CACNA1G: variants seen among roughly 807,000 people sequenced by gnomAD.
CACNA1G encodes calcium voltage-gated channel subunit alpha1 G, also known as voltage-dependent T-type calcium channel subunit alpha-1G.
In CACNA1G, 67 loss-of-function variants were observed where a neutral mutation model predicts 219.4. The ratio of observed to expected loss-of-function variants is 0.31; its 90% CI spans 0.25 to 0.37. The LOEUF (loss-of-function observed/expected upper bound fraction) is 0.37, where lower values mean the gene tolerates loss of function less well. Ranked by LOEUF, CACNA1G falls within the 10% of genes least tolerant of loss-of-function variation. The pLI is 1.00. For synonymous variants in CACNA1G, 1,296 were observed against 1,345.3 expected (o/e 0.96, Z 0.80); for missense variants, 2,380 against 3,231.4 (o/e 0.74, Z 6.39).
At chr17:50,608,062 C>A in intron 25 of CACNA1G, 43 bp downstream of exon 25, 1 of 1,548,702 alleles carries the variant, frequency 6.5e-7, no homozygotes, top group Non-Finnish European at 8.8e-7. Flanking sequence ...TTCCACCTCT[C>A]TCTGGGTCGT....
Position 50,626,789 on chromosome 17 carries a change from G to T in CACNA1G, c.*38G>T, listed in dbSNP as rs768219541. 2 of 1,612,556 alleles carry T rather than the reference G, an allele frequency of 1.2e-6. No individual in the cohort carries two copies. Among genetic ancestry groups the T allele is most frequent in the East Asian group, 4.5e-5 (2 of 44,884 alleles). ...TTTCCCACTCACCTTTCTCCACTGG[G>T]TGCCAAGTCCTAGCTCCTCCTCCTG... On this transcript the variant is annotated 3_prime_UTR_variant, in exon 38 of 38. Coordinates refer to ENST00000359106, the MANE Select transcript of CACNA1G (RefSeq NM_018896.5). This position sits in a 1 kb window ranked among gnomAD's most constrained non-coding sequence, Gnocchi z 4.3.
At chr17:50,589,251 G>A (rs1249253958) in intron 9 of CACNA1G, among the ~76,000 whole-genome samples, 4 of 151,834 alleles carry the variant, frequency 2.6e-5, no homozygotes, top group East Asian at 1.9e-4. Context: ...CCCCCACCCC[G>A]TGCCACACCA....
chr17:50,598,341 A>G (rs1004240575), intron 16 of CACNA1G, among the ~76,000 whole-genome samples: 2 of 152,158 alleles, frequency 1.3e-5, no homozygotes, highest in Non-Finnish European at 2.9e-5. Context: ...TATTTTCTTT[A>G]TCCAGTCATC....
At chr17:50,577,841 T>C (rs2041061317) in intron 8 of CACNA1G, among the ~76,000 whole-genome samples, 1 of 152,032 alleles carries the variant, frequency 6.6e-6, no homozygotes, top group African/African-American at 2.4e-5. Context: ...CTCAGAACAG[T>C]GTTGATGTAG....
At chr17:50,602,790 C>A in intron 19 of CACNA1G, 30 bp from the exon 20 acceptor site, 1 of 1,607,728 alleles carries the variant, frequency 6.2e-7, no homozygotes, top group South Asian at 1.1e-5. Flanking sequence ...GGCTTCCTGG[C>A]GGGCAACCCC....
intron 19 of CACNA1G, among the ~76,000 whole-genome samples, chr17:50,601,613 G>T (rs2046647239): frequency 2.0e-5 from 3 of 152,150 alleles, no homozygotes; most frequent in Admixed American, 2.0e-4. Context: ...ATTTTCAGGG[G>T]CCATAGTGGG....
intron 4 of CACNA1G, among the ~76,000 whole-genome samples, chr17:50,570,702 G>T: frequency 6.6e-6 from 1 of 152,184 alleles, no homozygotes; most frequent in South Asian, 2.1e-4. Context: ...CTCCTCTCCC[G>T]CCCCAGGTGA....
chr17:50,604,579 G>T (rs971645817), intron 22 of CACNA1G, among the ~76,000 whole-genome samples: 2 of 152,212 alleles, frequency 1.3e-5, no homozygotes, highest in Non-Finnish European at 2.9e-5. Flanking sequence ...GCTGGCCCGC[G>T]GTCTACTCCG....
At chr17:50,587,513 C>T (rs2043227845) in intron 9 of CACNA1G, among the ~76,000 whole-genome samples, 1 of 152,214 alleles carries the variant, frequency 6.6e-6, no homozygotes, top group African/African-American at 2.4e-5. Flanking sequence ...CAGATCGTTC[C>T]CAGCCTCCAA....
intron 4 of CACNA1G, among the ~76,000 whole-genome samples, chr17:50,570,080 TC>T (rs35320164): frequency 3.9e-4 from 59 of 151,748 alleles, no homozygotes; most frequent in African/African-American, 1.4e-3. Context: ...AGATGACCAC[TC>T]CCCCCAGGAG....
At chr17:50,566,310 C>A (rs917538601) in intron 1 of CACNA1G, among the ~76,000 whole-genome samples, 2 of 151,272 alleles carry the variant, frequency 1.3e-5, no homozygotes, top group Non-Finnish European at 2.9e-5. Context: ...TGAAAGACCC[C>A]CCCCCCATCA....
At position 50,626,183 on chromosome 17, in the gene CACNA1G, A is replaced by G; in HGVS notation, c.6566A>G (p.Lys2189Arg). ...QHSRSHSKIS[K>R]HMTPPAPCPG... is the part of the protein sequence containing the mutation. ...TCCCGCAGCCACAGCAAGATCTCCA[A>G]GCACATGACCCCGCCAGCCCCTTGC... The change falls in exon 38 of 38, where the codon AAG becomes AGG. Residue 2189 changes from lysine to arginine, a missense_variant. Lys to Arg is a conservative substitution (Grantham distance 26, BLOSUM62 2). Around this residue, in one of 17 missense-constraint regions of CACNA1G, gnomAD observed 672 missense variants for 670.5 expected, o/e 1.00. Coordinates refer to ENST00000359106, the MANE Select transcript of CACNA1G (RefSeq NM_018896.5). The surrounding 1 kb of genome is among the most constrained non-coding windows in gnomAD (Gnocchi z 4.3). 1 of 1,613,918 alleles carries G rather than the reference A, an allele frequency of 6.2e-7. No homozygotes were observed. Among genetic ancestry groups the G allele is most frequent in the Non-Finnish European group, 8.5e-7 (1 of 1,179,866 alleles).
intron 1 of CACNA1G, among the ~76,000 whole-genome samples, chr17:50,562,264 T>C (rs1164960894): frequency 6.6e-6 from 1 of 152,042 alleles, no homozygotes; most frequent in Non-Finnish European, 1.5e-5. Flanking sequence ...TCCTTGAGGC[T>C]GAGGTTTTTA....
chr17:50,623,927 G>C lies in CACNA1G; in HGVS notation c.6081G>C (p.Glu2027Asp), dbSNP rs778764267. The C allele has an allele frequency of 6.2e-6, 10 of 1,611,122 alleles. No homozygotes were observed. In the African/African-American group the frequency reaches 1.3e-4, roughly 22 times the overall value. The change falls in exon 36 of 38, where the codon GAG becomes GAC. Residue 2027 changes from glutamate to aspartate, a missense_variant. Physicochemically the swap from Glu to Asp is conservative, Grantham distance 45. Coordinates refer to ENST00000359106, the MANE Select transcript of CACNA1G (RefSeq NM_018896.5). ...LESNMQPHPT[E>D]LPGPDLLTVR... ...TGCAGATGCAGCCCCACCCCACGGA[G>C]CTGCCAGGACCAGACTTACTGACTG... is the stretch of plus-strand genomic sequence containing the variant.
intron 22 of CACNA1G, among the ~76,000 whole-genome samples, chr17:50,604,714 C>G (rs894193064): frequency 1.3e-5 from 2 of 152,216 alleles, no homozygotes; most frequent in African/African-American, 2.4e-5. Context: ...AGACCCCAGA[C>G]GAGGCAGGAA....
chr17:50,584,393 G>C (rs960244898), intron 9 of CACNA1G, among the ~76,000 whole-genome samples: 1 of 152,016 alleles, frequency 6.6e-6, no homozygotes, highest in African/African-American at 2.4e-5. Context: ...GGAAGCCAAG[G>C]GAGGCTCAGC....
chr17:50,561,789 C>A, intron 1 of CACNA1G, 88 bp downstream of exon 1: 1 of 1,263,684 alleles, frequency 7.9e-7, no homozygotes, highest in Non-Finnish European at 1.0e-6. Flanking sequence ...AGACCCACCG[C>A]CAGGTGAGTC....
chr17:50,624,339 C>G, intron 36 of CACNA1G, 21 bp from the exon 37 acceptor site: 2 of 1,490,014 alleles, frequency 1.3e-6, no homozygotes, highest in South Asian at 2.4e-5. Flanking sequence ...CCACCCCTCC[C>G]CCGCTTCCCT....
intron 4 of CACNA1G, among the ~76,000 whole-genome samples, 174 bp downstream of exon 4, chr17:50,569,977 C>T (rs563354864): frequency 1.3e-5 from 2 of 152,282 alleles, no homozygotes; most frequent in Non-Finnish European, 2.9e-5. Context: ...GAATGTGGCA[C>T]TATGGGAGTT....
Sources: gnomAD v4.1 joint callset for allele counts (sites outside exome capture counted in the v4.1 genomes callset) on GRCh38, gnomAD v4.1.1 for gene constraint, gnomAD v4.1.1 regional missense constraint, Gnocchi (gnomAD v3.1) non-coding constraint, MANE v1.5 for transcripts, NCBI Gene and HGNC (gene_info 2026-07-23, HGNC 2026-07-21) for gene names.